RANBP10: variants seen among roughly 807,000 people sequenced by gnomAD.
RANBP10 encodes the protein RAN binding protein 10, also known as ran-binding protein 10.
Under a neutral mutation model 72.8 loss-of-function variants are expected in RANBP10, and 24 were observed. The observed-to-expected ratio is 0.33, with a 90% CI of 0.24 to 0.46. The LOEUF (loss-of-function observed/expected upper bound fraction) is 0.46, where lower values mean the gene tolerates loss of function less well. Ranked by LOEUF, RANBP10 falls within the 20% of genes least tolerant of loss-of-function variation. The probability of loss-of-function intolerance (pLI) is 1.00; values close to 1 mark genes in which losing one functional copy is unlikely to be tolerated. For missense variants in RANBP10, 679 were observed against 817.5 expected, an observed-to-expected ratio of 0.83 and a Z score of 2.07; for synonymous variants, 310 against 322.3, an observed-to-expected ratio of 0.96 and a Z score of 0.41.
chr16:67,756,319 G>A (rs1222471875), intron 3 of RANBP10, among the ~76,000 whole-genome samples: 2 of 152,214 alleles, frequency 1.3e-5, no homozygotes, highest in Non-Finnish European at 1.5e-5. Context: ...CTCAGAAGCC[G>A]CAAGTTAGTC....
intron 3 of RANBP10, among the ~76,000 whole-genome samples, chr16:67,761,100 ATT>A (rs919301592): frequency 8.5e-5 from 13 of 152,174 alleles, no homozygotes; most frequent in Non-Finnish European, 1.9e-4. Flanking sequence ...GAGTTCTGAC[ATT>A]TTTATTTTGG....
At chr16:67,752,498 C>T (rs531758511) in intron 3 of RANBP10, among the ~76,000 whole-genome samples, 9 of 152,156 alleles carry the variant, frequency 5.9e-5, no homozygotes, top group Non-Finnish European at 1.0e-4. Flanking sequence ...TTCAAGCCAA[C>T]ATTGTTACAG....
At chr16:67,754,200 T>C (rs1376809570) in intron 3 of RANBP10, among the ~76,000 whole-genome samples, 1 of 151,274 alleles carries the variant, frequency 6.6e-6, no homozygotes, top group Non-Finnish European at 1.5e-5. Context: ...AGTGCTAAGC[T>C]TGAGATGTCT....
intron 2 of RANBP10, among the ~76,000 whole-genome samples, chr16:67,781,476 G>C (rs2054808610): frequency 6.6e-6 from 1 of 152,138 alleles, no homozygotes; most frequent in Non-Finnish European, 1.5e-5. Flanking sequence ...CTCTACCAGG[G>C]CCTTCTTTTC....
chr16:67,742,343 A>G (rs961161908), intron 4 of RANBP10, among the ~76,000 whole-genome samples: 1 of 152,190 alleles, frequency 6.6e-6, no homozygotes, highest in Non-Finnish European at 1.5e-5. Flanking sequence ...ACAAACAACA[A>G]ATTTTAGATT....
chr16:67,805,340 A>G (rs2055348633), intron 2 of RANBP10, 88 bp downstream of exon 2: 1 of 1,192,686 alleles, frequency 8.4e-7, no homozygotes, highest in Non-Finnish European at 1.2e-6. Flanking sequence ...AGCTCACATC[A>G]GCAACAAGTG....
intron 3 of RANBP10, among the ~76,000 whole-genome samples, chr16:67,752,413 G>A (rs1433133070): frequency 6.6e-6 from 1 of 152,164 alleles, no homozygotes; most frequent in Non-Finnish European, 1.5e-5. Context: ...CTCCCCTAGG[G>A]CCTCCAGAAA....
chr16:67,783,268 C>G (rs1045913030), intron 2 of RANBP10, among the ~76,000 whole-genome samples: 1 of 152,168 alleles, frequency 6.6e-6, no homozygotes, highest in Admixed American at 6.5e-5. Flanking sequence ...TGGTGGTGGA[C>G]AGAGGACAGA....
At chr16:67,763,068 A>G (rs2054428711) in intron 3 of RANBP10, among the ~76,000 whole-genome samples, 1 of 152,202 alleles carries the variant, frequency 6.6e-6, no homozygotes, top group South Asian at 2.1e-4. Flanking sequence ...GGCACCCTAC[A>G]CAGCCATGCT....
At chr16:67,803,744 C>A (rs2055278649) in intron 2 of RANBP10, among the ~76,000 whole-genome samples, 1 of 150,258 alleles carries the variant, frequency 6.7e-6, no homozygotes, top group South Asian at 2.1e-4. Context: ...ATAACTCGAG[C>A]CCAGAAGGTC....
intron 2 of RANBP10, among the ~76,000 whole-genome samples, chr16:67,773,878 A>G (rs951616957): frequency 1.3e-5 from 2 of 152,234 alleles, no homozygotes; most frequent in African/African-American, 4.8e-5. Context: ...CTGCTCAGTC[A>G]TTCCCAGAAA....
At chr16:67,755,683 CAAAAAAAAAA>C (rs58929828) in intron 3 of RANBP10, among the ~76,000 whole-genome samples, 2 of 54,360 alleles carry the variant, frequency 3.7e-5, no homozygotes, top group Non-Finnish European at 7.6e-5. Flanking sequence ...GACTCTGCCT[CAAAAAAAAAA>C]AAAAAAAAAA....
intron 3 of RANBP10, among the ~76,000 whole-genome samples, chr16:67,769,605 G>A (rs1040312229): frequency 6.6e-6 from 1 of 151,154 alleles, no homozygotes; most frequent in African/African-American, 2.4e-5. Context: ...AATGAGCCGG[G>A]CGTGGTGGCA....
rs190566801 is a variant in RANBP10 at position 67,795,849 on chromosome 16, C to T, written c.347+9579G>A. Among the ~76,000 whole-genome samples, 20 of 150,142 alleles carry T rather than the reference C, an allele frequency of 1.3e-4. No individual in the cohort carries two copies. In the East Asian group the frequency reaches 3.1e-3, roughly 23 times the overall value. On this transcript the variant is annotated intron_variant, in intron 2 of 13. Transcript: ENST00000317506. ...CAGCCTGGGCGACAGAGTGAGACTCCGTCTCAAAAATAAACAAACAAACAA... is the reference window on the plus strand; with the variant it reads ...CAGCCTGGGCGACAGAGTGAGACTCTGTCTCAAAAATAAACAAACAAACAA...
At chr16:67,737,953 T>C in intron 5 of RANBP10, 60 bp downstream of exon 5, 1 of 1,533,752 alleles carries the variant, frequency 6.5e-7, no homozygotes, top group Non-Finnish European at 8.9e-7. Context: ...GGTACCACCG[T>C]GCCCCATCCC....
At chr16:67,761,302 A>G (rs2143010033) in intron 3 of RANBP10, among the ~76,000 whole-genome samples, 1 of 152,288 alleles carries the variant, frequency 6.6e-6, no homozygotes, top group East Asian at 1.9e-4. Context: ...CATCTGCCCC[A>G]GGTTCCAAGC....
intron 6 of RANBP10, 152 bp from the exon 7 acceptor site, chr16:67,731,736 C>G: frequency 1.6e-6 from 1 of 614,026 alleles, no homozygotes; most frequent in Non-Finnish European, 2.8e-6. Flanking sequence ...GGGGCTGAAA[C>G]AAAATGAAAA....
intron 2 of RANBP10, among the ~76,000 whole-genome samples, chr16:67,800,094 C>G (rs1198833977): frequency 6.6e-6 from 1 of 152,056 alleles, no homozygotes; most frequent in Non-Finnish European, 1.5e-5. Context: ...TGCACTCCAG[C>G]CTGGCAACAG....
chr16:67,749,560 T>A (rs1192783135), intron 3 of RANBP10, among the ~76,000 whole-genome samples: 1 of 152,232 alleles, frequency 6.6e-6, no homozygotes, highest in Non-Finnish European at 1.5e-5. Flanking sequence ...TCAGGGAACA[T>A]GTTGCTGCTC....
Sources: allele counts gnomAD v4.1 joint callset (sites outside exome capture counted in the v4.1 genomes callset), GRCh38; gene constraint gnomAD v4.1.1; transcripts MANE v1.5; gene names NCBI Gene and HGNC (gene_info 2026-07-23, HGNC 2026-07-21).